The following TRMT11 variants were observed in gnomAD, a reference collection of about 807,000 sequenced individuals.
TRMT11 encodes tRNA (guanine(10)-N(2))-methyltransferase TRMT11.
Under a neutral mutation model 62.8 loss-of-function variants are expected in TRMT11, and 53 were observed. The observed-to-expected ratio is 0.84, with a 90% CI of 0.68 to 1.06. The LOEUF (loss-of-function observed/expected upper bound fraction) is 1.06. Among genes scored for constraint, TRMT11 ranks in the 50% least tolerant of loss-of-function variants. The pLI is 0.00. For missense variants in TRMT11, 556 were observed against 553.4 expected, an observed-to-expected ratio of 1.00 and a Z score of -0.05; for synonymous variants, 188 against 190.3, an observed-to-expected ratio of 0.99 and a Z score of 0.10.
At chr6:126,133,883 A>G (rs959315206) in intron 21 of TRMT11, among the ~76,000 whole-genome samples, 8 of 151,332 alleles carry the variant, frequency 5.3e-5, no homozygotes, top group African/African-American at 1.9e-4. Context: ...GAAAAGAACT[A>G]CCCTTTCTCA....
chr6:126,125,980 G>T (rs1233324698), intron 21 of TRMT11, among the ~76,000 whole-genome samples: 1 of 152,074 alleles, frequency 6.6e-6, no homozygotes, highest in African/African-American at 2.4e-5. Context: ...GCAATATTGG[G>T]CCACTTTCCT....
chr6:126,177,396 T>C (rs1778398880), intron 1 of TRMT11: 1 of 152,224 alleles, frequency 6.6e-6, no homozygotes, highest in Non-Finnish European at 1.5e-5. Flanking sequence ...AGCAGTACTC[T>C]ACTTCTCCAT....
chr6:126,242,009 T>C, the TRMT11 span, among the ~76,000 whole-genome samples: 66 of 152,328 alleles, frequency 4.3e-4, no homozygotes, highest in African/African-American at 1.5e-3. Context: ...TGTTTGCAGA[T>C]GACATGATTT....
chr6:126,243,658 A>G, the TRMT11 span, among the ~76,000 whole-genome samples: 1 of 152,216 alleles, frequency 6.6e-6, no homozygotes, highest in Non-Finnish European at 1.5e-5. Context: ...GCTGGAAACC[A>G]TCATTCTCAG....
At chr6:126,035,923 A>G (rs1278808346) in intron 12 of TRMT11, among the ~76,000 whole-genome samples, 1 of 152,052 alleles carries the variant, frequency 6.6e-6, no homozygotes, top group Non-Finnish European at 1.5e-5. Flanking sequence ...CCCATCTTCC[A>G]TTGTGCTTTG....
At chr6:126,242,679 G>A in the TRMT11 span, among the ~76,000 whole-genome samples, 58 of 152,216 alleles carry the variant, frequency 3.8e-4, no homozygotes, top group Admixed American at 1.6e-3. Context: ...AACAAGAAAT[G>A]GGGAAAGGAT....
At chr6:126,146,651 G>A (rs1777978750) in intron 21 of TRMT11, among the ~76,000 whole-genome samples, 1 of 151,966 alleles carries the variant, frequency 6.6e-6, no homozygotes, top group South Asian at 2.1e-4. Flanking sequence ...CGAGTAGCTG[G>A]GATTACAGGT....
intron 21 of TRMT11, among the ~76,000 whole-genome samples, chr6:126,147,293 AT>A (rs1232502988): frequency 2.0e-5 from 3 of 151,802 alleles, no homozygotes; most frequent in Non-Finnish European, 4.4e-5. Flanking sequence ...ATCTCATTTC[AT>A]TTTTTAGCTG....
chr6:126,234,369 T>C, the TRMT11 span, among the ~76,000 whole-genome samples: 1 of 152,156 alleles, frequency 6.6e-6, no homozygotes, highest in African/African-American at 2.4e-5. Flanking sequence ...TTTACTATTT[T>C]CATATTTATT....
At chr6:126,234,234 C>T in the TRMT11 span, among the ~76,000 whole-genome samples, 1 of 152,024 alleles carries the variant, frequency 6.6e-6, no homozygotes, top group Non-Finnish European at 1.5e-5. Context: ...GTGGGAGGCC[C>T]TAGTTGAAAG....
chr6:126,077,229 T>C (rs1049654086), intron 17 of TRMT11, among the ~76,000 whole-genome samples: 1 of 152,232 alleles, frequency 6.6e-6, no homozygotes, highest in African/African-American at 2.4e-5. Context: ...ATTATTTGTC[T>C]TTATTTAGTG....
At chr6:126,234,826 C>T in the TRMT11 span, among the ~76,000 whole-genome samples, 1 of 152,112 alleles carries the variant, frequency 6.6e-6, no homozygotes, top group Non-Finnish European at 1.5e-5. Flanking sequence ...TGCGTTCAAG[C>T]CAGTGTGCAG....
At chr6:126,033,910 T>C (rs1212690750) in intron 12 of TRMT11, among the ~76,000 whole-genome samples, 7 of 152,202 alleles carry the variant, frequency 4.6e-5, no homozygotes, top group African/African-American at 1.7e-4. Flanking sequence ...GAGTGGTTTA[T>C]GTTTAGAATT....
intron 17 of TRMT11, among the ~76,000 whole-genome samples, chr6:126,069,821 A>ACAGTAGTG (rs1776797441): frequency 6.6e-6 from 1 of 150,582 alleles, no homozygotes; most frequent in South Asian, 2.1e-4. Context: ...TGAGAGGTTG[A>ACAGTAGTG]CAGTAGTGAT....
At chr6:126,156,373 G>A (rs896427644) in intron 21 of TRMT11, among the ~76,000 whole-genome samples, 4 of 152,162 alleles carry the variant, frequency 2.6e-5, no homozygotes, top group African/African-American at 7.2e-5. Context: ...CTCTGTGGGG[G>A]CAACACCCAT....
the TRMT11 span, among the ~76,000 whole-genome samples, chr6:126,251,797 A>G: frequency 6.6e-6 from 1 of 152,194 alleles, no homozygotes; most frequent in Non-Finnish European, 1.5e-5. Context: ...CCTCTGTTCT[A>G]ACTTTTTCTT....
chr6:126,162,809 A>G (rs1778206700), intron 21 of TRMT11, among the ~76,000 whole-genome samples: 1 of 152,072 alleles, frequency 6.6e-6, no homozygotes, highest in Admixed American at 6.5e-5. Context: ...TAGGTATTTC[A>G]TTCTCTTTGT....
the TRMT11 span, among the ~76,000 whole-genome samples, chr6:126,255,706 G>A: frequency 3.3e-5 from 5 of 152,096 alleles, no homozygotes; most frequent in African/African-American, 1.2e-4. Flanking sequence ...AATTTTACTG[G>A]TGGAAGAATT....
intron 21 of TRMT11, among the ~76,000 whole-genome samples, chr6:126,129,905 T>C (rs1777761847): frequency 6.6e-6 from 1 of 152,104 alleles, no homozygotes; most frequent in Non-Finnish European, 1.5e-5. Flanking sequence ...TCTGGCTCAC[T>C]GTCCTGTGTT....
Sources: allele counts gnomAD v4.1 joint callset (sites outside exome capture counted in the v4.1 genomes callset), GRCh38; gene constraint gnomAD v4.1.1; transcripts MANE v1.5; gene names NCBI Gene and HGNC (gene_info 2026-07-23, HGNC 2026-07-21).